Variants in DRC9 observed in about 807,000 individuals in gnomAD.
DRC9 encodes the protein dynein regulatory complex subunit 9, also known as dynein regulatory complex protein 9.
At chr3:197,904,015 T>TAC in the DRC9 span, among the ~76,000 whole-genome samples, 6 of 91,284 alleles carry the variant, frequency 6.6e-5, no homozygotes, top group African/African-American at 2.7e-4. Flanking sequence ...TACATATATA[T>TAC]ATACATACAT....
the DRC9 span, chr3:197,938,919 C>G: frequency 1.5e-6 from 1 of 645,480 alleles, no homozygotes; most frequent in Non-Finnish European, 2.7e-6. Context: ...CTTTCTTCAG[C>G]CACACCAAAC....
the DRC9 span, among the ~76,000 whole-genome samples, chr3:197,906,042 G>A: frequency 1.3e-5 from 2 of 152,032 alleles, no homozygotes; most frequent in African/African-American, 2.4e-5. Flanking sequence ...ACTCATTTGT[G>A]GCAGTTACCA....
At chr3:197,948,803 G>GC in the DRC9 span, among the ~76,000 whole-genome samples, 1 of 152,106 alleles carries the variant, frequency 6.6e-6, no homozygotes, top group Non-Finnish European at 1.5e-5. Context: ...TCATCCACCA[G>GC]CAAATCTTGC....
At chr3:197,952,720 C>T in the DRC9 span, 1 of 152,046 alleles carries the variant, frequency 6.6e-6, no homozygotes, top group Non-Finnish European at 1.5e-5. Context: ...TCTTGAACTC[C>T]TGACCTCAAG....
At chr3:197,930,324 A>T in the DRC9 span, among the ~76,000 whole-genome samples, 23 of 152,166 alleles carry the variant, frequency 1.5e-4, no homozygotes, top group Non-Finnish European at 2.6e-4. Flanking sequence ...CTCTAGCCTG[A>T]GTGACAAAAA....
chr3:197,926,683 C>T, the DRC9 span, among the ~76,000 whole-genome samples: 1 of 152,104 alleles, frequency 6.6e-6, no homozygotes, highest in Admixed American at 6.6e-5. Context: ...TGCTCCCATC[C>T]CATTATTAAG....
the DRC9 span, among the ~76,000 whole-genome samples, chr3:197,934,436 C>G: frequency 2.0e-5 from 3 of 152,106 alleles, no homozygotes; most frequent in South Asian, 6.2e-4. Context: ...CTGCCCACCT[C>G]GGCCTCCCAA....
the DRC9 span, among the ~76,000 whole-genome samples, chr3:197,920,650 T>C: frequency 1.3e-5 from 2 of 152,294 alleles, no homozygotes; most frequent in Admixed American, 1.3e-4. Flanking sequence ...TAGGCATTGA[T>C]AGTTTTGATG....
At chr3:197,890,881 C>T in the DRC9 span, among the ~76,000 whole-genome samples, 303 of 152,284 alleles carry the variant, frequency 2.0e-3, no homozygotes, top group African/African-American at 7.1e-3. Context: ...GGGCCTCGAC[C>T]TTCAGAGAGA....
chr3:197,955,422 C>T, the DRC9 span, among the ~76,000 whole-genome samples: 3 of 151,946 alleles, frequency 2.0e-5, no homozygotes, highest in African/African-American at 7.3e-5. Context: ...ACCACCATGC[C>T]CAGCTGATTT....
the DRC9 span, chr3:197,955,840 T>G: frequency 7.7e-7 from 1 of 1,298,206 alleles, no homozygotes; most frequent in Non-Finnish European, 1.1e-6. Flanking sequence ...TTAAAAAACT[T>G]ACTACCTTAA....
At chr3:197,925,587 G>GTTT in the DRC9 span, among the ~76,000 whole-genome samples, 2 of 127,580 alleles carry the variant, frequency 1.6e-5, no homozygotes, top group Non-Finnish European at 1.6e-5. Context: ...TATATCTTCT[G>GTTT]TTTTTTTTTT....
the DRC9 span, chr3:197,950,649 C>A: frequency 7.2e-5 from 35 of 486,364 alleles, no homozygotes; most frequent in South Asian, 9.1e-4. Flanking sequence ...GTGTTGCCTA[C>A]TGATAACGGC....
At chr3:197,899,975 G>A in the DRC9 span, among the ~76,000 whole-genome samples, 7 of 152,296 alleles carry the variant, frequency 4.6e-5, no homozygotes, top group South Asian at 4.1e-4. Flanking sequence ...GGGCGGGCGC[G>A]GCACCTGAGA....
chr3:197,941,411 C>A, the DRC9 span, among the ~76,000 whole-genome samples: 32 of 42,614 alleles, frequency 7.5e-4, no homozygotes, highest in South Asian at 5.9e-3. Flanking sequence ...CCTCTCCCAT[C>A]CCCCTCCCTC....
chr3:197,919,629 CTAA>C, the DRC9 span, among the ~76,000 whole-genome samples: 2 of 152,284 alleles, frequency 1.3e-5, no homozygotes, highest in Non-Finnish European at 2.9e-5. Flanking sequence ...GCATGATTTA[CTAA>C]TAAAAAGAGG....
chr3:197,940,681 G>A, the DRC9 span, among the ~76,000 whole-genome samples: 4 of 152,164 alleles, frequency 2.6e-5, no homozygotes, highest in South Asian at 2.1e-4. Context: ...ACAGGGCAGC[G>A]GCATCTTCAA....
chr3:197,925,612 G>A, the DRC9 span, among the ~76,000 whole-genome samples: 11 of 147,944 alleles, frequency 7.4e-5, no homozygotes, highest in Non-Finnish European at 1.2e-4. Flanking sequence ...TTTCTGAGAC[G>A]GAATCTCGCT....
chr3:197,931,671 G>A, the DRC9 span, among the ~76,000 whole-genome samples: 6 of 151,656 alleles, frequency 4.0e-5, no homozygotes, highest in African/African-American at 7.3e-5. Context: ...GCAGTGGTGC[G>A]ATCTCGGCTC....
Sources: gnomAD v4.1 joint callset for allele counts (sites outside exome capture counted in the v4.1 genomes callset) on GRCh38, gnomAD v4.1.1 for gene constraint, MANE v1.5 for transcripts, NCBI Gene and HGNC (gene_info 2026-07-23, HGNC 2026-07-21) for gene names.